The following SH3RF1 variants were observed in gnomAD, a reference collection of about 807,000 sequenced individuals.
The protein encoded by SH3RF1 is E3 ubiquitin-protein ligase SH3RF1.
Under a neutral mutation model 74.0 loss-of-function variants are expected in SH3RF1, and 32 were observed. That is an observed-to-expected ratio of 0.43 (90% CI 0.33 to 0.58). The LOEUF (loss-of-function observed/expected upper bound fraction) is 0.58. SH3RF1 is among the 20% of genes least tolerant of loss of function. The pLI is 0.05. For missense variants in SH3RF1, 954 were observed against 1,130.9 expected (o/e 0.84, Z 2.24); for synonymous variants, 396 against 439.6 (o/e 0.90, Z 1.24).
At chr4:169,136,039 G>A (rs1419783845) in intron 5 of SH3RF1, among the ~76,000 whole-genome samples, 4 of 152,198 alleles carry the variant, frequency 2.6e-5, no homozygotes, top group African/African-American at 9.6e-5. Context: ...CTGAGTGATT[G>A]CTTGGTGAAA....
chr4:169,182,927 C>G (rs754447387), intron 2 of SH3RF1, among the ~76,000 whole-genome samples: 2 of 151,814 alleles, frequency 1.3e-5, no homozygotes, highest in Non-Finnish European at 2.9e-5. Flanking sequence ...GAAGACTTCC[C>G]AAAACTACTA....
intron 2 of SH3RF1, among the ~76,000 whole-genome samples, chr4:169,226,705 T>C (rs539313723): frequency 5.3e-5 from 8 of 152,328 alleles, no homozygotes; most frequent in African/African-American, 1.9e-4. Context: ...TTGTAGATAA[T>C]AAAACCTATC....
Position 169,136,538 on chromosome 4 carries a change from G to A in SH3RF1, c.848C>T (p.Ala283Val). 1.2e-6 allele frequency: 2 copies of A among 1,608,754 alleles called. No homozygotes were observed. The highest frequency in any genetic ancestry group is 1.3e-5 in the African/African-American group (1 of 74,636). Residue 283 changes from alanine (A) to valine (V), a missense_variant, in exon 5 of 12, where the codon GCA (alanine) becomes GTA (valine). Around this residue, in one of 3 missense-constraint regions of SH3RF1, gnomAD observed 854 missense variants for 962.5 expected, o/e 0.89. Coordinates refer to ENST00000284637, the MANE Select transcript of SH3RF1 (RefSeq NM_020870.4). The part of the protein sequence containing the change: ...GVDAGECSSA[A>V]AQSSTAPKHS... ...CTTTGGGGCAGTGCTGCTCTGGGCT[G>A]CTGCCGAGGAACATTCTCCAGCATC...
chr4:169,104,446 C>A (rs1733097775), intron 11 of SH3RF1, among the ~76,000 whole-genome samples: 1 of 151,964 alleles, frequency 6.6e-6, no homozygotes, highest in Admixed American at 6.6e-5. Flanking sequence ...GAATTCTGGA[C>A]AAAATTTCAA....
chr4:169,267,019 G>A (rs941657685), intron 2 of SH3RF1, among the ~76,000 whole-genome samples: 1 of 152,124 alleles, frequency 6.6e-6, no homozygotes, highest in Non-Finnish European at 1.5e-5. Flanking sequence ...GAAACATGAA[G>A]TAAATTAGGA....
chr4:169,242,982 G>C (rs141439168), intron 2 of SH3RF1, among the ~76,000 whole-genome samples: 4 of 152,296 alleles, frequency 2.6e-5, no homozygotes, highest in African/African-American at 9.6e-5. Context: ...TGTTTCTAAT[G>C]CAGGTGGTCC....
chr4:169,180,687 C>T (rs1269034302), intron 2 of SH3RF1, among the ~76,000 whole-genome samples: 3 of 152,124 alleles, frequency 2.0e-5, no homozygotes, highest in Non-Finnish European at 4.4e-5. Flanking sequence ...AGTAAAAGCA[C>T]TTCATAGACA....
rs894535554 is a variant in SH3RF1, at chr4:169,149,013, C to G, written c.765+6467G>C. On this transcript the variant is annotated intron_variant, in intron 4 of 11. Transcript: ENST00000284637. ...CCTTAGATACCATTTGGTGATTAGC[C>G]TAGGCCTCTGATTATGGCTATGCAG... Among the ~76,000 whole-genome samples the G allele has an allele frequency of 4.6e-5, 7 of 152,122 alleles. No homozygotes were observed. The East Asian group carries it at 1.3e-3, about 29-fold the overall frequency.
intron 2 of SH3RF1, among the ~76,000 whole-genome samples, chr4:169,256,303 G>A (rs867766641): frequency 3.3e-5 from 5 of 151,842 alleles, no homozygotes; most frequent in South Asian, 2.1e-4. Flanking sequence ...GGGAGGAAGG[G>A]AAGGAGGAAG....
At chr4:169,261,635 CT>C (rs971815800) in intron 2 of SH3RF1, among the ~76,000 whole-genome samples, 1 of 151,578 alleles carries the variant, frequency 6.6e-6, no homozygotes, top group Non-Finnish European at 1.5e-5. Context: ...ATAATAGCTT[CT>C]TATAGATCAA....
chr4:169,162,876 G>A (rs1734172380), intron 2 of SH3RF1, among the ~76,000 whole-genome samples: 1 of 152,040 alleles, frequency 6.6e-6, no homozygotes, highest in Admixed American at 6.5e-5. Flanking sequence ...AGCGCTTGGT[G>A]GCTCCTCAGC....
At chr4:169,132,175 T>G (rs1032799997) in intron 5 of SH3RF1, among the ~76,000 whole-genome samples, 1 of 152,232 alleles carries the variant, frequency 6.6e-6, no homozygotes. Context: ...ACAGACATTA[T>G]TATCAAGGAA....
chr4:169,251,484 A>C (rs968707050), intron 2 of SH3RF1, among the ~76,000 whole-genome samples: 4 of 152,206 alleles, frequency 2.6e-5, no homozygotes, highest in African/African-American at 9.6e-5. Flanking sequence ...AAGACTGAAT[A>C]GTTCTTTTGT....
intron 4 of SH3RF1, among the ~76,000 whole-genome samples, chr4:169,145,088 AC>A (rs1733851960): frequency 6.6e-6 from 1 of 152,178 alleles, no homozygotes; most frequent in African/African-American, 2.4e-5. Flanking sequence ...CTGGGTATAT[AC>A]CCAAAGGAAA....
intron 2 of SH3RF1, among the ~76,000 whole-genome samples, chr4:169,183,742 T>A (rs1734553585): frequency 9.0e-6 from 1 of 110,758 alleles, no homozygotes; most frequent in Non-Finnish European, 1.9e-5. Flanking sequence ...AGTGAGATGC[T>A]GTCTCTTTAA....
chr4:169,144,403 T>C (rs576468158), intron 4 of SH3RF1, among the ~76,000 whole-genome samples: 19 of 152,286 alleles, frequency 1.2e-4, no homozygotes, highest in Admixed American at 3.9e-4. Flanking sequence ...GACTTCTGTG[T>C]TGGGAATAGG....
At chr4:169,108,073 G>GT (rs1401287067) in intron 10 of SH3RF1, among the ~76,000 whole-genome samples, 1 of 152,200 alleles carries the variant, frequency 6.6e-6, no homozygotes, top group East Asian at 1.9e-4. Context: ...TGTCAAGAGA[G>GT]TGCTCCTTCA....
intron 2 of SH3RF1, among the ~76,000 whole-genome samples, chr4:169,172,957 T>C (rs1001890367): frequency 4.6e-5 from 7 of 152,234 alleles, no homozygotes; most frequent in African/African-American, 1.7e-4. Context: ...ATGTATTTTC[T>C]ATCATGAACA....
At chr4:169,169,180 A>T (rs1378802069) in intron 2 of SH3RF1, among the ~76,000 whole-genome samples, 1 of 152,254 alleles carries the variant, frequency 6.6e-6, no homozygotes, top group Non-Finnish European at 1.5e-5. Context: ...GGATTAAACA[A>T]TTACTTCAGG....
Sources: allele counts gnomAD v4.1 joint callset (sites outside exome capture counted in the v4.1 genomes callset), GRCh38; gene constraint gnomAD v4.1.1; regional missense constraint gnomAD v4.1.1; transcripts MANE v1.5; gene names NCBI Gene and HGNC (gene_info 2026-07-23, HGNC 2026-07-21).